The following VCF1 variants were observed in gnomAD, a reference collection of about 807,000 sequenced individuals.
VCF1 encodes protein VCF1.
the VCF1 span, among the ~76,000 whole-genome samples, chr17:73,221,088 G>A: frequency 3.3e-5 from 5 of 150,796 alleles, no homozygotes; most frequent in African/African-American, 1.2e-4. Context: ...TAGTAGAGAC[G>A]GGGTTTCACC....
chr17:73,208,960 GTC>G, the VCF1 span: 1 of 239,474 alleles, frequency 4.2e-6, no homozygotes, highest in Non-Finnish European at 8.3e-6. Context: ...TTCACTGACA[GTC>G]TGAATTGGAT....
the VCF1 span, among the ~76,000 whole-genome samples, chr17:73,225,592 CA>C: frequency 6.6e-6 from 1 of 151,692 alleles, no homozygotes; most frequent in Non-Finnish European, 1.5e-5. Context: ...AAATGAACAT[CA>C]TATAGCAGGA....
chr17:73,220,500 G>A, the VCF1 span, among the ~76,000 whole-genome samples: 102 of 151,186 alleles, frequency 6.7e-4, 2 homozygotes, highest in African/African-American at 2.4e-3. Flanking sequence ...GCTGGAGTGC[G>A]GTGGTGCGAT....
the VCF1 span, among the ~76,000 whole-genome samples, chr17:73,221,059 C>T: frequency 1.2e-3 from 179 of 150,808 alleles, 1 homozygote; most frequent in Middle Eastern, 0.017. Context: ...CCACCACGCC[C>T]GGTTAATTTT....
the VCF1 span, among the ~76,000 whole-genome samples, chr17:73,210,759 T>A: frequency 0.58 from 80,853 of 138,808 alleles, 23,570 homozygotes; most frequent in Non-Finnish European, 0.61. Flanking sequence ...GCCTCGTTAT[T>A]TTTTTTTTTT....
chr17:73,207,762 G>A, the VCF1 span: 11 of 1,289,892 alleles, frequency 8.5e-6, no homozygotes, highest in African/African-American at 3.0e-5. Flanking sequence ...TGTGCTGTGT[G>A]CATGTGTGTT....
At chr17:73,230,481 C>T in the VCF1 span, among the ~76,000 whole-genome samples, 2 of 152,150 alleles carry the variant, frequency 1.3e-5, no homozygotes, top group East Asian at 1.9e-4. Context: ...CTGCAACCTC[C>T]GCCTTCCAGG....
At chr17:73,220,894 A>ATTTTTTTT in the VCF1 span, among the ~76,000 whole-genome samples, 11 of 96,658 alleles carry the variant, frequency 1.1e-4, 1 homozygote, top group East Asian at 2.9e-4. Context: ...TTTAATTTAG[A>ATTTTTTTT]TTTTTTTTTT....
chr17:73,208,353 GT>G, the VCF1 span: 1 of 1,614,040 alleles, frequency 6.2e-7, no homozygotes, highest in Non-Finnish European at 8.5e-7. Flanking sequence ...TGACCCGACA[GT>G]TCCTGGCTCC....
the VCF1 span, chr17:73,207,708 G>A: frequency 5.4e-6 from 7 of 1,292,194 alleles, no homozygotes; most frequent in Non-Finnish European, 7.1e-6. Context: ...TCAGTACGAT[G>A]CCAACTGTTA....
the VCF1 span, among the ~76,000 whole-genome samples, chr17:73,223,321 AAAC>A: frequency 6.6e-6 from 1 of 152,192 alleles, no homozygotes; most frequent in Non-Finnish European, 1.5e-5. Context: ...CCCTCTCAAA[AAAC>A]AATAAACAAT....
chr17:73,222,848 C>T, the VCF1 span, among the ~76,000 whole-genome samples: 1 of 152,002 alleles, frequency 6.6e-6, no homozygotes, highest in Non-Finnish European at 1.5e-5. Context: ...AGCAAAGTCT[C>T]GCAGAACCTC....
chr17:73,226,626 T>C, the VCF1 span, among the ~76,000 whole-genome samples: 1 of 152,190 alleles, frequency 6.6e-6, no homozygotes, highest in Non-Finnish European at 1.5e-5. Context: ...AAGCACTCTT[T>C]CATGAAATCA....
At chr17:73,208,018 C>CA in the VCF1 span, 1 of 1,318,214 alleles carries the variant, frequency 7.6e-7, no homozygotes, top group Non-Finnish European at 9.7e-7. Flanking sequence ...GTTTCCACTG[C>CA]AGTGATCTTT....
chr17:73,229,267 T>C, the VCF1 span: 1 of 985,466 alleles, frequency 1.0e-6, no homozygotes, highest in South Asian at 4.7e-5. Flanking sequence ...TCTAGGCTCT[T>C]AGCAGATCTC....
chr17:73,231,033 G>A, the VCF1 span, among the ~76,000 whole-genome samples: 2 of 152,092 alleles, frequency 1.3e-5, no homozygotes, highest in Non-Finnish European at 1.5e-5. Context: ...AATTCCGATG[G>A]CATGTCTGTA....
the VCF1 span, among the ~76,000 whole-genome samples, chr17:73,231,089 A>C: frequency 6.6e-6 from 1 of 152,174 alleles, no homozygotes; most frequent in Admixed American, 6.5e-5. Context: ...TTTTCTATAC[A>C]AGGAGAGGCT....
chr17:73,217,267 C>T, the VCF1 span, among the ~76,000 whole-genome samples: 978 of 151,970 alleles, frequency 6.4e-3, 9 homozygotes, highest in African/African-American at 0.023. Flanking sequence ...GCAGGAGAAT[C>T]GCTTGAACCC....
the VCF1 span, among the ~76,000 whole-genome samples, chr17:73,226,254 A>T: frequency 1.3e-5 from 2 of 152,318 alleles, no homozygotes; most frequent in Non-Finnish European, 2.9e-5. Context: ...CTCCACACAG[A>T]AGGATTCTAC....
Sources: gnomAD v4.1 joint callset for allele counts (sites outside exome capture counted in the v4.1 genomes callset) on GRCh38, gnomAD v4.1.1 for gene constraint, MANE v1.5 for transcripts, NCBI Gene and HGNC (gene_info 2026-07-23, HGNC 2026-07-21) for gene names.